The following NPL variants were observed in gnomAD, a reference collection of about 807,000 sequenced individuals.
The protein encoded by NPL is N-acetylneuraminate pyruvate lyase.
NPL carries 32 observed loss-of-function variants against 41.1 expected under a neutral mutation model. That is an observed-to-expected ratio of 0.78 (90% CI 0.59 to 1.05). The LOEUF (loss-of-function observed/expected upper bound fraction) is 1.05. Among genes scored for constraint, NPL ranks in the 50% least tolerant of loss-of-function variants. NPL has a pLI of 0.00. For synonymous variants in NPL, 128 were observed against 134.9 expected, an observed-to-expected ratio of 0.95 and a Z score of 0.35; for missense variants, 321 against 378.4, an observed-to-expected ratio of 0.85 and a Z score of 1.26.
intron 5 of NPL, among the ~76,000 whole-genome samples, chr1:182,808,062 G>T (rs922791469): frequency 6.6e-6 from 1 of 152,068 alleles, no homozygotes; most frequent in Admixed American, 6.6e-5. Flanking sequence ...GAGCCCGACT[G>T]CCTGAGTTAG....
At chr1:182,802,465 G>T (rs946213860) in intron 3 of NPL, among the ~76,000 whole-genome samples, 11 of 150,934 alleles carry the variant, frequency 7.3e-5, no homozygotes, top group Non-Finnish European at 8.8e-5. Context: ...AGATGCATCA[G>T]ATTTTTTTTT....
At chr1:182,814,892 C>T in intron 7 of NPL, 34 bp downstream of exon 7, 1 of 1,498,536 alleles carries the variant, frequency 6.7e-7, no homozygotes, top group Non-Finnish European at 9.3e-7. Flanking sequence ...TGGCATCTCA[C>T]ATGGTCCACT....
intron 3 of NPL, 79 bp from the exon 4 acceptor site, chr1:182,803,619 G>A: frequency 1.1e-6 from 1 of 897,172 alleles, no homozygotes. Flanking sequence ...GCAAGAGGGA[G>A]CAGTTTATAT....
At chr1:182,803,548 C>A (rs1199144614) in intron 3 of NPL, 150 bp from the exon 4 acceptor site, 8 of 663,908 alleles carry the variant, frequency 1.2e-5, no homozygotes, top group Non-Finnish European at 1.6e-5. Context: ...AAAAAAACCC[C>A]AGGCATTATT....
chr1:182,807,720 CAAAAAA>C (rs753955697), intron 5 of NPL, among the ~76,000 whole-genome samples: 5 of 55,438 alleles, frequency 9.0e-5, no homozygotes, highest in Admixed American at 1.9e-4. Flanking sequence ...ACTAAAAATA[CAAAAAA>C]AAAAAAAAAA....
At chr1:182,822,575 T>G (rs1179969296) in intron 11 of NPL, among the ~76,000 whole-genome samples, 1 of 152,194 alleles carries the variant, frequency 6.6e-6, no homozygotes, top group Non-Finnish European at 1.5e-5. Flanking sequence ...GAGGAAGCTA[T>G]GAAGATGGTA....
At chr1:182,819,616 A>AAAAAAGAAAAAG (rs879527607) in intron 10 of NPL, among the ~76,000 whole-genome samples, 1 of 152,164 alleles carries the variant, frequency 6.6e-6, no homozygotes. Context: ...ATCTCAAAAA[A>AAAAAAGAAAAAG]AAAAAGAAAA....
At chr1:182,825,877 A>G in intron 12 of NPL, 57 bp downstream of exon 12, 2 of 1,243,126 alleles carry the variant, frequency 1.6e-6, no homozygotes, top group Non-Finnish European at 2.4e-6. Flanking sequence ...AGAAAATGGA[A>G]TACCATCACT....
intron 6 of NPL, among the ~76,000 whole-genome samples, chr1:182,813,423 T>G (rs1667235586): frequency 6.6e-6 from 1 of 152,256 alleles, no homozygotes; most frequent in South Asian, 2.1e-4. Flanking sequence ...TTAGCCATAA[T>G]AAGTGTGGAA....
chr1:182,795,883 T>C (rs1213583719), intron 3 of NPL: 1 of 152,184 alleles, frequency 6.6e-6, no homozygotes, highest in Non-Finnish European at 1.5e-5. Context: ...ATCTGGTCCA[T>C]ACTACTTTAA....
At chr1:182,817,801 A>T (rs1041920249) in intron 8 of NPL, among the ~76,000 whole-genome samples, 1 of 152,262 alleles carries the variant, frequency 6.6e-6, no homozygotes, top group Non-Finnish European at 1.5e-5. Context: ...ATATGTGAGA[A>T]GGGGCATGGA....
At chr1:182,804,497 A>C (rs1381941820) in intron 4 of NPL, among the ~76,000 whole-genome samples, 1 of 152,088 alleles carries the variant, frequency 6.6e-6, no homozygotes, top group African/African-American at 2.4e-5. Context: ...TGGAAGAAAG[A>C]CTCTAAGTGT....
intron 11 of NPL, among the ~76,000 whole-genome samples, chr1:182,824,047 C>T (rs1667563760): frequency 6.6e-6 from 1 of 152,156 alleles, no homozygotes; most frequent in Admixed American, 6.5e-5. Context: ...AAAGTTAGGG[C>T]TAAATTTATC....
intron 7 of NPL, among the ~76,000 whole-genome samples, chr1:182,815,729 A>G (rs1304743804): frequency 6.6e-6 from 1 of 152,078 alleles, no homozygotes; most frequent in Non-Finnish European, 1.5e-5. Context: ...TTGGCCTCCC[A>G]AGTAGCTGGG....
intron 1 of NPL, among the ~76,000 whole-genome samples, chr1:182,790,629 T>C (rs944674228): frequency 1.1e-4 from 15 of 136,562 alleles, no homozygotes; most frequent in Non-Finnish European, 2.2e-4. Flanking sequence ...GTTGTTGTTG[T>C]TGTTGTTGTT....
chr1:182,821,813 G>A (rs1298148077), intron 10 of NPL, among the ~76,000 whole-genome samples: 1 of 152,148 alleles, frequency 6.6e-6, no homozygotes, highest in Non-Finnish European at 1.5e-5. Context: ...GCACCTGTGT[G>A]TACCCTAGGG....
intron 5 of NPL, among the ~76,000 whole-genome samples, chr1:182,807,724 A>G (rs1463236645): frequency 2.7e-5 from 4 of 148,874 alleles, no homozygotes; most frequent in Admixed American, 6.7e-5. Flanking sequence ...AAAATACAAA[A>G]AAAAAAAAAA....
intron 3 of NPL, among the ~76,000 whole-genome samples, chr1:182,796,659 A>T (rs1313841214): frequency 6.6e-6 from 1 of 152,150 alleles, no homozygotes; most frequent in Non-Finnish European, 1.5e-5. Flanking sequence ...GGGTAAGTAG[A>T]TCTTAGTGAA....
chr1:182,820,336 A>G (rs889726984), intron 10 of NPL, among the ~76,000 whole-genome samples: 3 of 152,220 alleles, frequency 2.0e-5, no homozygotes, highest in African/African-American at 7.2e-5. Context: ...GCAAAATAAC[A>G]TTTATAACAT....
Sources: gnomAD v4.1 joint callset for allele counts (sites outside exome capture counted in the v4.1 genomes callset) on GRCh38, gnomAD v4.1.1 for gene constraint, MANE v1.5 for transcripts, NCBI Gene and HGNC (gene_info 2026-07-23, HGNC 2026-07-21) for gene names.